Variants in DNER observed in about 807,000 individuals in gnomAD.
DNER encodes the protein delta and Notch-like epidermal growth factor-related receptor.
DNER carries 33 observed loss-of-function variants against 78.2 expected under a neutral mutation model. The ratio of observed to expected loss-of-function variants is 0.42; its 90% confidence interval spans 0.32 to 0.56. The LOEUF (loss-of-function observed/expected upper bound fraction) is 0.56. Ranked by LOEUF, DNER falls within the 20% of genes least tolerant of loss-of-function variation. The pLI is 0.11. For synonymous variants in DNER, 417 were observed against 384.8 expected, an observed-to-expected ratio of 1.08 and a Z score of -0.98; for missense variants, 918 against 975.3, an observed-to-expected ratio of 0.94 and a Z score of 0.78.
At chr2:229,714,078 G>A in intron 1 of DNER, 70 bp downstream of exon 1, 1 of 1,227,758 alleles carries the variant, frequency 8.1e-7, no homozygotes, top group Non-Finnish European at 1.0e-6. Context: ...GGCAGCAGCA[G>A]CAGGGCCGGC....
chr2:229,675,617 A>G (rs1699288316), intron 1 of DNER, among the ~76,000 whole-genome samples: 1 of 152,196 alleles, frequency 6.6e-6, no homozygotes, highest in Non-Finnish European at 1.5e-5. Flanking sequence ...AAATCTTGTT[A>G]TCCTACCAGA....
At chr2:229,585,266 T>C (rs1697475964) in intron 4 of DNER, among the ~76,000 whole-genome samples, 1 of 152,158 alleles carries the variant, frequency 6.6e-6, no homozygotes, top group African/African-American at 2.4e-5. Flanking sequence ...GGCCAGAGCA[T>C]TCAGTACCAA....
At chr2:229,584,273 C>A (rs1019197527) in intron 4 of DNER, among the ~76,000 whole-genome samples, 29 of 152,096 alleles carry the variant, frequency 1.9e-4, no homozygotes, top group African/African-American at 6.0e-4. Context: ...TAGGAGGATG[C>A]CTACCCCATC....
At chr2:229,646,504 A>G (rs781348351) in intron 1 of DNER, among the ~76,000 whole-genome samples, 1 of 152,256 alleles carries the variant, frequency 6.6e-6, no homozygotes, top group Non-Finnish European at 1.5e-5. Flanking sequence ...GCAGTTGTGC[A>G]GTTGACAGAA....
chr2:229,448,384 C>T (rs1040461767), intron 7 of DNER, among the ~76,000 whole-genome samples: 3 of 152,138 alleles, frequency 2.0e-5, no homozygotes, highest in Non-Finnish European at 4.4e-5. Context: ...GAGTTCACTG[C>T]AAATGGACAT....
At chr2:229,633,290 T>C (rs1698471885) in intron 1 of DNER, among the ~76,000 whole-genome samples, 1 of 152,058 alleles carries the variant, frequency 6.6e-6, no homozygotes, top group South Asian at 2.1e-4. Context: ...AAAATGTAAA[T>C]AATGGTGTGT....
chr2:229,435,676 A>G (rs1694108288), intron 8 of DNER, among the ~76,000 whole-genome samples: 1 of 152,212 alleles, frequency 6.6e-6, no homozygotes, highest in Non-Finnish European at 1.5e-5. Context: ...TATCCAATCT[A>G]AAAGCAACAC....
chr2:229,599,705 C>T (rs1392314668), intron 1 of DNER, among the ~76,000 whole-genome samples: 3 of 152,124 alleles, frequency 2.0e-5, no homozygotes, highest in Non-Finnish European at 4.4e-5. Flanking sequence ...AAATGTACAA[C>T]ATACTATAAA....
intron 5 of DNER, among the ~76,000 whole-genome samples, chr2:229,545,923 C>T (rs1208479932): frequency 7.9e-5 from 12 of 152,176 alleles, no homozygotes. Context: ...AGGAAATTAC[C>T]ACATTGGCAC....
At chr2:229,491,982 CACAG>C (rs1403626864) in intron 6 of DNER, among the ~76,000 whole-genome samples, 2 of 152,038 alleles carry the variant, frequency 1.3e-5, no homozygotes, top group African/African-American at 4.8e-5. Flanking sequence ...CACACAGACA[CACAG>C]ACACACAAAC....
intron 8 of DNER, among the ~76,000 whole-genome samples, chr2:229,429,837 C>G (rs546876257): frequency 2.6e-5 from 4 of 152,056 alleles, no homozygotes; most frequent in Admixed American, 2.6e-4. Flanking sequence ...ACCCTTTTTC[C>G]TTTTCATAGC....
intron 5 of DNER, among the ~76,000 whole-genome samples, chr2:229,537,602 T>C (rs980284663): frequency 6.6e-6 from 1 of 152,208 alleles, no homozygotes; most frequent in African/African-American, 2.4e-5. Context: ...TCACCCATGA[T>C]ACAATCCTTG....
At chr2:229,554,484 G>C (rs1696810330) in intron 4 of DNER, among the ~76,000 whole-genome samples, 1 of 152,154 alleles carries the variant, frequency 6.6e-6, no homozygotes, top group Non-Finnish European at 1.5e-5. Context: ...TTGAGGGCAG[G>C]AGTCCGAGAC....
intron 6 of DNER, among the ~76,000 whole-genome samples, chr2:229,510,187 C>G (rs1396718889): frequency 2.6e-5 from 4 of 152,140 alleles, no homozygotes; most frequent in Non-Finnish European, 5.9e-5. Context: ...TGAGATAGGG[C>G]TGGAAAAGCA....
intron 7 of DNER, among the ~76,000 whole-genome samples, chr2:229,461,412 T>C (rs1428138545): frequency 6.6e-6 from 1 of 151,992 alleles, no homozygotes; most frequent in Non-Finnish European, 1.5e-5. Flanking sequence ...GGTAAGTGTT[T>C]TTTTTAAAAT....
intron 1 of DNER, among the ~76,000 whole-genome samples, chr2:229,596,010 A>G (rs973101958): frequency 2.6e-5 from 4 of 150,952 alleles, no homozygotes; most frequent in African/African-American, 7.3e-5. Context: ...AATATCCATC[A>G]TCTTCTCACA....
At chr2:229,494,155 T>C (rs1413288019) in intron 6 of DNER, among the ~76,000 whole-genome samples, 1 of 152,142 alleles carries the variant, frequency 6.6e-6, no homozygotes, top group Non-Finnish European at 1.5e-5. Context: ...TCTCCAAAAT[T>C]CAGGTTCTTC....
chr2:229,682,760 A>C (rs547646139), intron 1 of DNER, among the ~76,000 whole-genome samples: 3 of 152,176 alleles, frequency 2.0e-5, no homozygotes, highest in East Asian at 1.9e-4. Flanking sequence ...AGGCAGGAGA[A>C]TCACTTGAAC....
At chr2:229,687,734 A>G (rs1475493027) in intron 1 of DNER, among the ~76,000 whole-genome samples, 1 of 152,234 alleles carries the variant, frequency 6.6e-6, no homozygotes, top group Non-Finnish European at 1.5e-5. Context: ...TATATTTTTA[A>G]TGAAATTTGA....
Sources: gnomAD v4.1 joint callset for allele counts (sites outside exome capture counted in the v4.1 genomes callset) on GRCh38, gnomAD v4.1.1 for gene constraint, MANE v1.5 for transcripts, NCBI Gene and HGNC (gene_info 2026-07-23, HGNC 2026-07-21) for gene names.